The following FLG variants were observed in gnomAD, a reference collection of about 807,000 sequenced individuals.
FLG encodes the protein epidermal filaggrin.
In FLG, 6 loss-of-function variants were observed where a neutral mutation model predicts 3.8. The ratio of observed to expected loss-of-function variants is 1.60; its 90% confidence interval spans 0.87 to 3.15. The LOEUF (loss-of-function observed/expected upper bound fraction) is 3.15. Ranked by LOEUF, FLG falls within the 30% of genes most tolerant of loss-of-function variation. The pLI, the probability that FLG is intolerant of heterozygous loss-of-function variation, is 0.00. For synonymous variants in FLG, 2,551 were observed against 1,931.6 expected (o/e 1.32, Z -8.41); for missense variants, 7,595 against 5,050.9 (o/e 1.50, Z -15.27).
In FLG at chr1:152,304,686, A is replaced by T. The variant is rs532383089; in HGVS notation, c.10200T>A (p.His3400Gln). Reference sequence around the variant, plus strand: ...GTCCAGTGCTGGTCCTGGTCCGCCCATGGGCAGACTCAGACTGTTCATGAG... The same window carrying T: ...GTCCAGTGCTGGTCCTGGTCCGCCCTTGGGCAGACTCAGACTGTTCATGAG... The part of the protein sequence containing the change: ...VSTHEQSESA[H>Q]GRTRTSTGRR... The change falls in exon 3 of 3, where the codon CAT becomes CAA. Residue 3400 changes from histidine (H) to glutamine (Q), a missense_variant. By Grantham distance (24) the His-to-Gln change is conservative. Transcript: ENST00000368799. 6.2e-7 allele frequency: 1 copy of T among 1,612,400 alleles called. No homozygotes were observed. The highest frequency in any genetic ancestry group is 8.5e-7 in the Non-Finnish European group (1 of 1,179,442).
rs372282962 is a variant in FLG, at chr1:152,313,132, C to G, written c.1754G>C (p.Gly585Ala). ...EQSGDGTRHS[G>A]SRHHEASSQA... Reference sequence around the variant, plus strand: ...AGAGGAAGCTTCATGATGACGTGACCCTGAGTGCCTGGTGCCGTCTCCTGA... The same window carrying G: ...AGAGGAAGCTTCATGATGACGTGACGCTGAGTGCCTGGTGCCGTCTCCTGA... The change falls in exon 3 of 3, where the codon GGG becomes GCG. Residue 585 changes from glycine to alanine, a missense_variant. By Grantham distance (60) the Gly-to-Ala change is moderately conservative. Transcript: ENST00000368799. 1 of 1,613,592 alleles carries G rather than the reference C, an allele frequency of 6.2e-7. No individual in the cohort carries two copies. The highest frequency in any genetic ancestry group is 8.5e-7 in the Non-Finnish European group (1 of 1,179,968).
chr1:152,312,036 A>C lies in FLG; in HGVS notation c.2850T>G (p.Ser950Arg), dbSNP rs753954738. ...RRQGSSVSQD[S>R]DSEGHSEDSE... ...AGTCTTCTGAATGTCCCTCACTGTCACTGTCCTGGCTAACACTGGATCCCT... is the reference window on the plus strand; with the variant it reads ...AGTCTTCTGAATGTCCCTCACTGTCCCTGTCCTGGCTAACACTGGATCCCT... The change falls in exon 3 of 3, where the codon AGT becomes AGG. Residue 950 changes from serine (S) to arginine (R), a missense_variant. Physicochemically the swap from Ser to Arg is moderately radical, Grantham distance 110. Transcript: ENST00000368799. 3.7e-6 allele frequency: 6 copies of C among 1,613,974 alleles called. No individual in the cohort carries two copies. Among genetic ancestry groups the C allele is most frequent in the African/African-American group, 1.3e-5 (1 of 75,002 alleles).
At position 152,316,773 on chromosome 1, in the gene FLG, CTATT is replaced by C. The variant is rs1652802108; in HGVS notation, c.-21-1300_-21-1297del. On this transcript the variant is annotated intron_variant, in intron 1 of 2. Transcript: ENST00000368799. ...TGATGTCAATAATTCTTTAACCTCT[CTATT>C]TACTGCTTTATGTACTCACTTCCCT... 1.3e-5 allele frequency among the ~76,000 whole-genome samples: 2 copies of C among 152,142 alleles called. 1 individual carries two copies. Among genetic ancestry groups the C allele is most frequent in the African/African-American group, 4.8e-5 (2 of 41,442 alleles).
rs750803987 is a variant in FLG, at chr1:152,312,295, G to C, written c.2591C>G (p.Ser864Cys). 6.2e-7 allele frequency: 1 copy of C among 1,613,638 alleles called. No individual in the cohort carries two copies. Among genetic ancestry groups the C allele is most frequent in the South Asian group, 1.1e-5 (1 of 91,056 alleles). Residue 864 changes from serine to cysteine, a missense_variant, in exon 3 of 3, where the codon TCT becomes TGT. By Grantham distance (112) the Ser-to-Cys change is moderately radical. Transcript: ENST00000368799. Reference protein sequence around the residue: ...GSHHEQSVDRSGHSGSHHSHT... With the variant: ...GSHHEQSVDRCGHSGSHHSHT... ...GCTGTGATGGGACCCTGAGTGTCCA[G>C]ACCTATCTACCGATTGCTCGTGGTG...
In FLG at chr1:152,312,795, A is replaced by T. The variant is rs1652550925; in HGVS notation, c.2091T>A (p.His697Gln). The change falls in exon 3 of 3, where the codon CAT becomes CAA. Residue 697 changes from histidine to glutamine, a missense_variant. By Grantham distance (24) the His-to-Gln change is conservative. Transcript: ENST00000368799. ...CTCCTGCACTTGATCTTGCCTGTTCATGGGATGACGCAGCCTGTCCACTAG... is the reference window on the plus strand; with the variant it reads ...CTCCTGCACTTGATCTTGCCTGTTCTTGGGATGACGCAGCCTGTCCACTAG... ...NSSSGQAASS[H>Q]EQARSSAGER... is the part of the protein sequence containing the mutation. The T allele has an allele frequency of 6.2e-7, 1 of 1,613,890 alleles. No individual in the cohort carries two copies. The highest frequency in any genetic ancestry group is 8.5e-7 in the Non-Finnish European group (1 of 1,180,000).
chr1:152,312,863 C>G lies in FLG; in HGVS notation c.2023G>C (p.Asp675His), dbSNP rs140188504. 145 of 1,614,108 alleles carry G rather than the reference C, an allele frequency of 9.0e-5. No homozygotes were observed. The Middle Eastern group carries it at 2.3e-3, about 26-fold the overall frequency. ...CGAGTGCCTGATTTTCTGGAGCTGT[C>G]TGCAGAGTGCCCATGACCAGCTCTG... ...EDRAGHGHSADSSRKSGTRHT... is the reference protein window; with the variant it reads ...EDRAGHGHSAHSSRKSGTRHT... Residue 675 changes from aspartate (D) to histidine (H), a missense_variant, in exon 3 of 3, where the codon GAC (aspartate) becomes CAC (histidine). Transcript: ENST00000368799.
rs1652753270 is a variant in FLG at position 152,315,434 on chromosome 1, A to G, written c.23T>C (p.Ile8Thr). The part of the protein sequence containing the change: MSTLLEN[I>T]FAIINLFKQY... ...CTTGAAAAGATTAATTATGGCAAAGATGTTTTCCAGGAGAGTAGACATCTT... is the reference window on the plus strand; with the variant it reads ...CTTGAAAAGATTAATTATGGCAAAGGTGTTTTCCAGGAGAGTAGACATCTT... The change falls in exon 2 of 3, where the codon ATC becomes ACC. Residue 8 changes from isoleucine (I) to threonine (T), a missense_variant. Ile to Thr is a moderately conservative substitution (Grantham distance 89). Transcript: ENST00000368799. 2 of 1,612,258 alleles carry G rather than the reference A, an allele frequency of 1.2e-6. No homozygotes were observed. The highest frequency in any genetic ancestry group is 1.7e-6 in the Non-Finnish European group (2 of 1,179,164).
chr1:152,322,868 A>AT (rs1653024766), intron 1 of FLG, among the ~76,000 whole-genome samples: 1 of 151,404 alleles, frequency 6.6e-6, no homozygotes, highest in African/African-American at 2.4e-5. Context: ...AAAAATAAAG[A>AT]TTAATAAGGT....
In FLG at chr1:152,313,123, T is replaced by C; in HGVS notation, c.1763A>G (p.His588Arg). ...GTCAGCCTGAGAGGAAGCTTCATGA[T>C]GACGTGACCCTGAGTGCCTGGTGCC... ...GDGTRHSGSR[H>R]HEASSQADSS... The change falls in exon 3 of 3, where the codon CAT (histidine) becomes CGT (arginine). Residue 588 changes from histidine to arginine, a missense_variant. His to Arg is a conservative substitution (Grantham distance 29). Transcript: ENST00000368799. 1.9e-6 allele frequency: 3 copies of C among 1,613,932 alleles called. No homozygotes were observed. Among genetic ancestry groups the C allele is most frequent in the Non-Finnish European group, 1.7e-6 (2 of 1,180,008 alleles).
In FLG at chr1:152,313,612, C is replaced by G; in HGVS notation, c.1274G>C (p.Ser425Thr). The G allele has an allele frequency of 6.2e-7, 1 of 1,614,108 alleles. No individual in the cohort carries two copies. The highest frequency in any genetic ancestry group is 8.5e-7 in the Non-Finnish European group (1 of 1,180,020). ...RGSSGSQASD[S>T]EGHSENSDTQ... is the part of the protein sequence containing the mutation. ...GTCTGAGTTTTCTGAATGTCCCTCA[C>G]TGTCACTGGCCTGACTACCGCTAGA... The change falls in exon 3 of 3, where the codon AGT becomes ACT. Residue 425 changes from serine to threonine, a missense_variant. Coordinates refer to ENST00000368799, the MANE Select transcript of FLG (RefSeq NM_002016.2).
In FLG at chr1:152,308,280, G is replaced by A. The variant is rs765034376; in HGVS notation, c.6606C>T (p.Gly2202=). The A allele has an allele frequency of 3.7e-6, 6 of 1,613,254 alleles. No individual in the cohort carries two copies. In the East Asian group the frequency reaches 6.7e-5, roughly 18 times the overall value. ...GATGATGCGACCCTGAGTGCCTAGA[G>A]CCATCTCCTGATTGTTCCTTGTCAT... ...KTYDKEQSGD[G]SRHSGSHHHE... Residue 2202 remains glycine (G), a synonymous_variant, in exon 3 of 3, where the codon GGC becomes GGT. Transcript: ENST00000368799.
In FLG at chr1:152,309,744, G is replaced by T. The variant is rs1312262185; in HGVS notation, c.5142C>A (p.Ser1714=). Residue 1714 remains serine, a synonymous_variant, in exon 3 of 3, where the codon TCC becomes TCA. Coordinates refer to ENST00000368799, the MANE Select transcript of FLG (RefSeq NM_002016.2). The part of the protein sequence containing the change: ...SVVGDSGNRG[S]SGSQASDSEG... ...CGCTGTCACTGGCCTGGCTACCACT[G>T]GACCCTCGGTTTCCACTGTCTCCGA... 1 of 1,614,012 alleles carries T rather than the reference G, an allele frequency of 6.2e-7. No individual in the cohort carries two copies. The highest frequency in any genetic ancestry group is 2.2e-5 in the East Asian group (1 of 44,826).
At chr1:152,318,517 C>G (rs1465892185) in intron 1 of FLG, among the ~76,000 whole-genome samples, 1 of 151,798 alleles carries the variant, frequency 6.6e-6, no homozygotes, top group Non-Finnish European at 1.5e-5. Context: ...CTCTCTTCTA[C>G]TCAATCTCAA....
rs555800729 is a variant in FLG, at chr1:152,311,950, C to G, written c.2936G>C (p.Arg979Thr). Residue 979 changes from arginine (R) to threonine (T), a missense_variant, in exon 3 of 3, where the codon AGA becomes ACA. By Grantham distance (71) the Arg-to-Thr change is moderately conservative. Transcript: ENST00000368799. ...NHRGSAQEQSRHGSRHPRSHH... is the reference protein window; with the variant it reads ...NHRGSAQEQSTHGSRHPRSHH... ...GGACCTGGGGTGTCTGGAGCCATGT[C>G]TTGACTGCTCCTGAGCAGATCCACG... 469 of 1,614,086 alleles carry G rather than the reference C, an allele frequency of 2.9e-4. No homozygotes were observed. In the South Asian group the frequency reaches 5.0e-3, roughly 17 times the overall value.
chr1:152,310,505 T>G lies in FLG; in HGVS notation c.4381A>C (p.Ser1461Arg), dbSNP rs762458364. The change falls in exon 3 of 3, where the codon AGC becomes CGC. Residue 1461 changes from serine to arginine, a missense_variant. Transcript: ENST00000368799. ...SESTHGQTAP[S>R]TGGRQGSRHE... ...CGGGATCCTTGTCTTCCTCCAGTGCTGGGTGCAGTCTGTCCGTGTGTGGAC... is the reference window on the plus strand; with the variant it reads ...CGGGATCCTTGTCTTCCTCCAGTGCGGGGTGCAGTCTGTCCGTGTGTGGAC... 36 of 1,613,774 alleles carry G rather than the reference T, an allele frequency of 2.2e-5. No homozygotes were observed. The East Asian group carries it at 5.4e-4, about 24-fold the overall frequency.
chr1:152,308,379 G>A lies in FLG; in HGVS notation c.6507C>T (p.Ser2169=). Residue 2169 remains serine (S), a synonymous_variant, in exon 3 of 3, where the codon AGC becomes AGT. Coordinates refer to ENST00000368799, the MANE Select transcript of FLG (RefSeq NM_002016.2). ...CAGACCTTCCCTGGGATGTGGTGTG[G>A]CTGTGATGAGACCCTGAGTGTCCAG... ...DRSGHSGSHH[S]HTTSQGRSDA... The A allele has an allele frequency of 1.2e-6, 2 of 1,613,484 alleles. No homozygotes were observed. Among genetic ancestry groups the A allele is most frequent in the Non-Finnish European group, 1.7e-6 (2 of 1,179,730 alleles).
At position 152,312,253 on chromosome 1, in the gene FLG, C is replaced by T; in HGVS notation, c.2633G>A (p.Gly878Glu). Reference sequence around the variant, plus strand: ...CTGCCCACGGGAGGCATCAGACCTTCCCTGGGATGTGGTGTGGCTGTGATG... The same window carrying T: ...CTGCCCACGGGAGGCATCAGACCTTTCCTGGGATGTGGTGTGGCTGTGATG... ...GSHHSHTTSQ[G>E]RSDASRGQSG... The change falls in exon 3 of 3, where the codon GGA (glycine) becomes GAA (glutamate). Residue 878 changes from glycine (G) to glutamate (E), a missense_variant. Transcript: ENST00000368799. The T allele has an allele frequency of 1.2e-6, 2 of 1,613,762 alleles. No individual in the cohort carries two copies. The highest frequency in any genetic ancestry group is 1.7e-4 in the Middle Eastern group (1 of 6,060).
In FLG at chr1:152,313,323, C is replaced by T. The variant is rs763639841; in HGVS notation, c.1563G>A (p.Gly521=). ...ATCCCTGCCTTCCTCCTCTGCTTGACCCCGGGTGTCCACGAATGGTGTCCT... is the reference window on the plus strand; with the variant it reads ...ATCCCTGCCTTCCTCCTCTGCTTGATCCCGGGTGTCCACGAATGGTGTCCT... The part of the protein sequence containing the change: ...EGQDTIRGHP[G]SSRGGRQGSH... The change falls in exon 3 of 3, where the codon GGG becomes GGA. Residue 521 remains glycine (G), a synonymous_variant. Coordinates refer to ENST00000368799, the MANE Select transcript of FLG (RefSeq NM_002016.2). 2 of 1,613,682 alleles carry T rather than the reference C, an allele frequency of 1.2e-6. No individual in the cohort carries two copies. The highest frequency in any genetic ancestry group is 2.2e-5 in the South Asian group (2 of 91,042).
chr1:152,312,612 G>A lies in FLG; in HGVS notation c.2274C>T (p.Asp758=), dbSNP rs1227358227. Residue 758 remains aspartate (D), a synonymous_variant, in exon 3 of 3, where the codon GAC becomes GAT. Coordinates refer to ENST00000368799, the MANE Select transcript of FLG (RefSeq NM_002016.2). ...GTCCATGGCCTGACACTGACTGTGT[G>A]TCTGAGTCTTCTGAATGTCCCTCAC... The part of the protein sequence containing the change: ...TDSEGHSEDS[D]TQSVSGHGQA... 2 of 1,613,664 alleles carry A rather than the reference G, an allele frequency of 1.2e-6. No homozygotes were observed. The highest frequency in any genetic ancestry group is 1.3e-5 in the African/African-American group (1 of 74,834).
Sources: allele counts gnomAD v4.1 joint callset (sites outside exome capture counted in the v4.1 genomes callset), GRCh38; gene constraint gnomAD v4.1.1; transcripts MANE v1.5; gene names NCBI Gene and HGNC (gene_info 2026-07-23, HGNC 2026-07-21).